PCDHA7: variants seen among roughly 807,000 people sequenced by gnomAD.
The protein encoded by PCDHA7 is protocadherin alpha-7.
In PCDHA7, 37 loss-of-function variants were observed where a neutral mutation model predicts 57.2. The ratio of observed to expected loss-of-function variants is 0.65; its 90% CI spans 0.50 to 0.85. PCDHA7 has a LOEUF of 0.85. Ranked by LOEUF, PCDHA7 falls within the 40% of genes least tolerant of loss-of-function variation. The probability of loss-of-function intolerance (pLI) is 0.00; values close to 1 mark genes in which losing one functional copy is unlikely to be tolerated. For synonymous variants in PCDHA7, 553 were observed against 558.8 expected, an observed-to-expected ratio of 0.99 and a Z score of 0.15; for missense variants, 1,188 against 1,241.8, an observed-to-expected ratio of 0.96 and a Z score of 0.65.
At chr5:140,915,469 A>G (rs2077137068) in intron 1 of PCDHA7, among the ~76,000 whole-genome samples, 1 of 152,034 alleles carries the variant, frequency 6.6e-6, no homozygotes, top group Admixed American at 6.6e-5. Context: ...TTTTTATTTG[A>G]AGGAGCTTGG....
At position 140,943,494 on chromosome 5, in the gene PCDHA7, A is replaced by G. The variant is rs1046059269; in HGVS notation, c.2356-35455A>G. ...TACAGTAAAATAATAAATAGATGCT[A>G]TCAAGGTTCATGGAAATGTTGAGTT... is the stretch of plus-strand genomic sequence containing the variant. On this transcript the variant is annotated intron_variant, in intron 1 of 3. Transcript: ENST00000525929. Among the ~76,000 whole-genome samples, 4 of 152,132 alleles carry G rather than the reference A, an allele frequency of 2.6e-5. No homozygotes were observed. The East Asian group carries it at 5.8e-4, about 22-fold the overall frequency.
chr5:140,857,412 C>T lies in PCDHA7; in HGVS notation c.2355+20674C>T, dbSNP rs782751627. On this transcript the variant is annotated intron_variant, in intron 1 of 3. Transcript: ENST00000525929. ...GTGAACGACAACGCGCCTGCGTTCGCGCAGTCCGAGTACACGGTGTTCGTG... is the reference window on the plus strand; with the variant it reads ...GTGAACGACAACGCGCCTGCGTTCGTGCAGTCCGAGTACACGGTGTTCGTG... 19 of 1,598,336 alleles carry T rather than the reference C, an allele frequency of 1.2e-5. 1 individual carries two copies. Among genetic ancestry groups the T allele is most frequent in the Non-Finnish European group, 1.4e-5 (16 of 1,167,836 alleles).
chr5:141,000,555 G>A (rs1395458694), intron 3 of PCDHA7, among the ~76,000 whole-genome samples: 1 of 148,762 alleles, frequency 6.7e-6, no homozygotes, highest in Non-Finnish European at 1.5e-5. Context: ...AAACTCCCGA[G>A]TAGCTGGGAT....
chr5:140,951,548 G>A (rs1314618918), intron 1 of PCDHA7, among the ~76,000 whole-genome samples: 1 of 151,910 alleles, frequency 6.6e-6, no homozygotes, highest in African/African-American at 2.4e-5. Flanking sequence ...AGGGACGGGG[G>A]GAAGTGCTAC....
At chr5:140,968,062 G>A in intron 1 of PCDHA7, 2 of 1,614,120 alleles carry the variant, frequency 1.2e-6, no homozygotes, top group Non-Finnish European at 1.7e-6. Flanking sequence ...GAGAGCGGGT[G>A]GCTGTCTACA....
intron 1 of PCDHA7, chr5:140,871,166 C>G: frequency 1.2e-6 from 2 of 1,613,486 alleles, no homozygotes; most frequent in Non-Finnish European, 1.7e-6. Flanking sequence ...GCCGCGAGCC[C>G]AGAGGCTGCG....
At position 140,941,202 on chromosome 5, in the gene PCDHA7, C is replaced by CCCTTCTTTCTTTCTTT. The variant is rs2092811279; in HGVS notation, c.2356-37746_2356-37745insCTTCTTTCTTTCTTTC. Among the ~76,000 whole-genome samples, 5 of 122,742 alleles carry CCCTTCTTTCTTTCTTT rather than the reference C, an allele frequency of 4.1e-5. No homozygotes were observed. The East Asian group carries it at 1.1e-3, about 27-fold the overall frequency. 80.5% of individuals were successfully genotyped at this position (122,742 alleles called of 152,430 possible). On this transcript the variant is annotated intron_variant, in intron 1 of 3. Transcript: ENST00000525929. ...TCCTGCTTCTTTTTTTTTCTTTCTTCCTTTCTTTCTTCCTTTCTTTCTTTC... is the reference window on the plus strand; with the variant it reads ...TCCTGCTTCTTTTTTTTTCTTTCTTCCCTTCTTTCTTTCTTTCTTTCTTTCTTCCTTTCTTTCTTTC...
chr5:140,856,501 T>A, intron 1 of PCDHA7: 1 of 1,598,302 alleles, frequency 6.3e-7, no homozygotes, highest in Non-Finnish European at 8.6e-7. Flanking sequence ...ACTCTCGATT[T>A]CCACTAGAAG....
Position 140,843,067 on chromosome 5 carries a change from G to A in PCDHA7, c.2355+6329G>A, listed in dbSNP as rs143344890. 15 of 1,595,152 alleles carry A rather than the reference G, an allele frequency of 9.4e-6. 1 individual carries two copies. The African/African-American group carries it at 2.0e-4, about 21-fold the overall frequency. ...GTGGCGCAGCGAGCAAGCTGGTGCC[G>A]CGGTCTGTGGGCGCGGGCCACGTGG... On this transcript the variant is annotated intron_variant, in intron 1 of 3. Coordinates refer to ENST00000525929, the MANE Select transcript of PCDHA7 (RefSeq NM_018910.3).
At chr5:140,982,318 G>A (rs2096977750) in intron 2 of PCDHA7, 157 bp from the exon 3 acceptor site, 3 of 1,356,910 alleles carry the variant, frequency 2.2e-6, no homozygotes, top group Non-Finnish European at 2.9e-6. Context: ...AGTTTATGCA[G>A]GGTGACTGCT....
intron 1 of PCDHA7, chr5:140,868,295 T>C (rs569295401): frequency 6.6e-6 from 1 of 152,272 alleles, no homozygotes; most frequent in African/African-American, 2.4e-5. Context: ...AGAATATGAA[T>C]ATATTTGTTT....
chr5:140,927,254 C>T, intron 1 of PCDHA7: 2 of 1,614,132 alleles, frequency 1.2e-6, no homozygotes, highest in Non-Finnish European at 1.7e-6. Flanking sequence ...AATGACAACT[C>T]ACCTCTCTTT....
intron 1 of PCDHA7, chr5:140,871,553 G>GT (rs555355563): frequency 9.2e-4 from 1,372 of 1,491,042 alleles, no homozygotes; most frequent in South Asian, 9.1e-4. Flanking sequence ...TTAAAATCCA[G>GT]TTTTTTTTCA....
rs147537783 is a variant in PCDHA7 at position 140,982,491 on chromosome 5, G to C, written c.2431G>C (p.Glu811Gln). 1 of 1,614,076 alleles carries C rather than the reference G, an allele frequency of 6.2e-7. No individual in the cohort carries two copies. Among genetic ancestry groups the C allele is most frequent in the African/African-American group, 1.3e-5 (1 of 74,924 alleles). The change falls in exon 3 of 4, where the codon GAG becomes CAG. Residue 811 changes from glutamate to glutamine, a missense_variant. Physicochemically the swap from Glu to Gln is conservative, Grantham distance 29. Around this residue, in one of 3 missense-constraint regions of PCDHA7, gnomAD observed 892 missense variants for 788.5 expected, o/e 1.13. Coordinates refer to ENST00000525929, the MANE Select transcript of PCDHA7 (RefSeq NM_018910.3). ...TTTATTCAGCTCTGTGCACCTAGAG[G>C]AGGCTGGCATTCTACGGGCTGGTCC... is the stretch of plus-strand genomic sequence containing the variant. ...AGMHSSVHLE[E>Q]AGILRAGPGG...
intron 1 of PCDHA7, among the ~76,000 whole-genome samples, chr5:140,960,168 T>C (rs569250147): frequency 9.2e-5 from 14 of 152,300 alleles, no homozygotes; most frequent in African/African-American, 3.1e-4. Flanking sequence ...AATACAATTC[T>C]TAAGTTAGGG....
rs2150499479 is a variant in PCDHA7 at position 140,850,817 on chromosome 5, G to C, written c.2355+14079G>C. ...AGACCGACCTCATGGCCTTCAGCCC[G>C]GGCCTTTCTCCTTGTGCTGGATCTA... On this transcript the variant is annotated intron_variant, in intron 1 of 3. Transcript: ENST00000525929. 44 of 1,598,178 alleles carry C rather than the reference G, an allele frequency of 2.8e-5. 6 individuals carry two copies. The highest frequency in any genetic ancestry group is 1.7e-4 in the South Asian group (15 of 90,550).
intron 3 of PCDHA7, among the ~76,000 whole-genome samples, chr5:141,008,156 G>A (rs1231186640): frequency 6.6e-6 from 1 of 152,150 alleles, no homozygotes; most frequent in Non-Finnish European, 1.5e-5. Context: ...GGTTTGATAA[G>A]ATGAGGACTA....
At chr5:140,933,527 A>G (rs1324786303) in intron 1 of PCDHA7, among the ~76,000 whole-genome samples, 1 of 152,060 alleles carries the variant, frequency 6.6e-6, no homozygotes, top group African/African-American at 2.4e-5. Flanking sequence ...TTTTGTTTAA[A>G]CTCAAAATAA....
At chr5:141,007,280 T>G (rs946303708) in intron 3 of PCDHA7, among the ~76,000 whole-genome samples, 1 of 151,106 alleles carries the variant, frequency 6.6e-6, no homozygotes, top group East Asian at 1.9e-4. Flanking sequence ...CTGGGTGCAG[T>G]GGGCTCATGC....
Sources: allele counts gnomAD v4.1 joint callset (sites outside exome capture counted in the v4.1 genomes callset), GRCh38; gene constraint gnomAD v4.1.1; regional missense constraint gnomAD v4.1.1; transcripts MANE v1.5; gene names NCBI Gene and HGNC (gene_info 2026-07-23, HGNC 2026-07-21).